Variants in WDR41 observed in about 807,000 individuals in gnomAD.
WDR41 encodes the protein WD repeat domain 41.
WDR41 carries 63 observed loss-of-function variants against 69.3 expected under a neutral mutation model. The observed-to-expected ratio is 0.91, with a 90% CI of 0.74 to 1.12. The LOEUF is 1.12. WDR41 is among the 50% of genes most tolerant of loss of function. The pLI, the probability that WDR41 is intolerant of heterozygous loss-of-function variation, is 0.00. For synonymous variants in WDR41, 185 were observed against 192.1 expected, an observed-to-expected ratio of 0.96 and a Z score of 0.31; for missense variants, 543 against 534.5, an observed-to-expected ratio of 1.02 and a Z score of -0.16.
intron 2 of WDR41, among the ~76,000 whole-genome samples, chr5:77,483,650 A>G (rs72769071): frequency 9.2e-5 from 14 of 152,258 alleles, no homozygotes; most frequent in Admixed American, 5.2e-4. Flanking sequence ...TCCTCTACAC[A>G]TTAGAGGTTG....
At chr5:77,576,675 C>CT (rs1225503760) in intron 1 of WDR41, among the ~76,000 whole-genome samples, 5 of 151,822 alleles carry the variant, frequency 3.3e-5, no homozygotes, top group Non-Finnish European at 7.4e-5. Context: ...GTTCTTGGTC[C>CT]TTTTTTTTCC....
At chr5:77,526,590 C>T (rs1306108479) in intron 1 of WDR41, among the ~76,000 whole-genome samples, 2 of 152,072 alleles carry the variant, frequency 1.3e-5, no homozygotes, top group Non-Finnish European at 2.9e-5. Context: ...GGCACACCTA[C>T]CTAATCCTGA....
chr5:77,583,183 T>C (rs562818200), intron 1 of WDR41: 25 of 851,440 alleles, frequency 2.9e-5, no homozygotes, highest in African/African-American at 5.3e-5. Flanking sequence ...TGCTCTCAAA[T>C]TGAAATAAAA....
intron 1 of WDR41, among the ~76,000 whole-genome samples, chr5:77,597,362 A>G (rs1297139457): frequency 6.6e-6 from 1 of 152,190 alleles, no homozygotes; most frequent in African/African-American, 2.4e-5. Context: ...TGAGTGTTTA[A>G]TTCATTTAGC....
At chr5:77,433,818 T>C (rs978450080) in intron 12 of WDR41, among the ~76,000 whole-genome samples, 4 of 152,124 alleles carry the variant, frequency 2.6e-5, no homozygotes, top group African/African-American at 9.7e-5. Flanking sequence ...TAATGCAGTA[T>C]AGACTATGAC....
chr5:77,465,230 A>C (rs1800252489), intron 2 of WDR41, among the ~76,000 whole-genome samples: 1 of 152,210 alleles, frequency 6.6e-6, no homozygotes, highest in African/African-American at 2.4e-5. Context: ...TATTATTTAA[A>C]GTCAAGATCT....
intron 1 of WDR41, among the ~76,000 whole-genome samples, chr5:77,585,818 TGGG>T (rs949647765): frequency 6.6e-6 from 1 of 151,968 alleles, no homozygotes; most frequent in Non-Finnish European, 1.5e-5. Context: ...TTTGGGGACT[TGGG>T]GGGAAGAAAG....
chr5:77,539,752 A>G (rs1743054699), intron 1 of WDR41, among the ~76,000 whole-genome samples: 1 of 152,222 alleles, frequency 6.6e-6, no homozygotes, highest in Non-Finnish European at 1.5e-5. Flanking sequence ...ACTAACAGCT[A>G]AAAGAAAACA....
At chr5:77,576,664 T>C (rs901377757) in intron 1 of WDR41, among the ~76,000 whole-genome samples, 2 of 152,118 alleles carry the variant, frequency 1.3e-5, no homozygotes, top group African/African-American at 4.8e-5. Context: ...GCTAGGTTTC[T>C]GTTCTTGGTC....
intron 2 of WDR41, among the ~76,000 whole-genome samples, chr5:77,468,685 T>G (rs1307445957): frequency 2.0e-5 from 3 of 152,152 alleles, no homozygotes; most frequent in African/African-American, 7.2e-5. Flanking sequence ...CTGTATTCAA[T>G]GTCTACATAA....
At chr5:77,616,301 G>A (rs1561241296) in intron 1 of WDR41, among the ~76,000 whole-genome samples, 1 of 152,292 alleles carries the variant, frequency 6.6e-6, no homozygotes, top group South Asian at 2.1e-4. Flanking sequence ...CCAATGCAAT[G>A]TATTTAAGCC....
chr5:77,496,271 A>G (rs1239531625), upstream of WDR41, among the ~76,000 whole-genome samples: 1 of 152,104 alleles, frequency 6.6e-6, no homozygotes, highest in Non-Finnish European at 1.5e-5. Context: ...TGCCAGAGCT[A>G]GTAGACAAAA....
chr5:77,431,290 T>G lies in WDR41; in HGVS notation c.*1845A>C, dbSNP rs1798713104. 6.6e-6 allele frequency: 1 copy of G among 152,544 alleles called. No homozygotes were observed. The highest frequency in any genetic ancestry group is 2.4e-5 in the African/African-American group (1 of 41,466). 9.4% of individuals were successfully genotyped at this position (152,544 alleles called of 1,614,324 possible). A position where few individuals can be genotyped will look rare whatever the true frequency, so the allele number is the denominator to read the frequency against. ...CCCCAACCTTCAGTAACCACCTTAG[T>G]CAACAGCCAGCAGTATCAAGACCCT... is the stretch of plus-strand genomic sequence containing the variant. On this transcript the variant is annotated 3_prime_UTR_variant, in exon 13 of 13. Transcript: ENST00000296679.
At chr5:77,564,591 T>C (rs1359036827) in intron 1 of WDR41, among the ~76,000 whole-genome samples, 8 of 152,184 alleles carry the variant, frequency 5.3e-5, no homozygotes, top group African/African-American at 1.9e-4. Context: ...GAAATCCTTT[T>C]ACTGCGCAAT....
chr5:77,451,561 A>G lies in WDR41; in HGVS notation c.524-208T>C, dbSNP rs903511736. ...GACTTTTGGAAGACATTATTGATTT[A>G]TTAAGAGCAGAATATGGGGTTGGGT... On this transcript the variant is annotated intron_variant, in intron 6 of 12. Transcript: ENST00000296679. 3 of 546,706 alleles carry G rather than the reference A, an allele frequency of 5.5e-6. No individual in the cohort carries two copies. The African/African-American group carries it at 5.8e-5, about 11-fold the overall frequency. 33.9% of individuals were successfully genotyped at this position (546,706 alleles called of 1,614,324 possible).
chr5:77,489,955 A>C (rs1801695373), intron 1 of WDR41, among the ~76,000 whole-genome samples: 1 of 152,246 alleles, frequency 6.6e-6, no homozygotes, highest in African/African-American at 2.4e-5. Context: ...TGGCAGAAAC[A>C]AAACTGCAAA....
At chr5:77,505,270 A>T (rs1407054074) in intron 1 of WDR41, among the ~76,000 whole-genome samples, 2 of 152,188 alleles carry the variant, frequency 1.3e-5, no homozygotes, top group Admixed American at 1.3e-4. Flanking sequence ...GTGAACGCCC[A>T]TTTACAATTG....
At chr5:77,474,136 G>C (rs532056266) in intron 2 of WDR41, among the ~76,000 whole-genome samples, 252 of 152,204 alleles carry the variant, frequency 1.7e-3, no homozygotes, top group African/African-American at 5.8e-3. Context: ...TCCTTTGTAG[G>C]GACATGGATG....
At chr5:77,534,258 T>C (rs1326189864) in intron 1 of WDR41, among the ~76,000 whole-genome samples, 2 of 152,140 alleles carry the variant, frequency 1.3e-5, no homozygotes, top group African/African-American at 2.4e-5. Flanking sequence ...ATAGGTCCTA[T>C]GTAAAAATTA....
Sources: allele counts gnomAD v4.1 joint callset (sites outside exome capture counted in the v4.1 genomes callset), GRCh38; gene constraint gnomAD v4.1.1; transcripts MANE v1.5; gene names NCBI Gene and HGNC (gene_info 2026-07-23, HGNC 2026-07-21).